The following KIAA2013 variants were observed in gnomAD, a reference collection of about 807,000 sequenced individuals.
The protein encoded by KIAA2013 is uncharacterized protein KIAA2013.
A neutral mutation model predicts 39.9 loss-of-function variants in KIAA2013; 20 were observed. That is an observed-to-expected ratio of 0.50 (90% CI 0.35 to 0.73). The LOEUF (loss-of-function observed/expected upper bound fraction) is 0.73, where lower values mean the gene tolerates loss of function less well. Ranked by LOEUF, KIAA2013 falls within the 30% of genes least tolerant of loss-of-function variation. The pLI is 0.01. For synonymous variants in KIAA2013, 336 were observed against 416.6 expected (o/e 0.81, Z 2.35); for missense variants, 587 against 856.1 (o/e 0.69, Z 3.92).
chr1:11,922,974 G>C lies in KIAA2013; in HGVS notation c.1549C>G (p.Pro517Ala), dbSNP rs766758193. The C allele has an allele frequency of 6.2e-6, 10 of 1,612,440 alleles. No individual in the cohort carries two copies. The South Asian group carries it at 1.1e-4, about 18-fold the overall frequency. Reference protein sequence around the residue: ...LHVSVESRGQPVKIYACKAGC... With the variant: ...LHVSVESRGQAVKIYACKAGC... ...GCCTTGCAGGCATAGATCTTGACAGGCTGGCCACGGGACTCCACGGACACG... is the reference window on the plus strand; with the variant it reads ...GCCTTGCAGGCATAGATCTTGACAGCCTGGCCACGGGACTCCACGGACACG... The change falls in exon 2 of 3, where the codon CCT (proline) becomes GCT (alanine). Residue 517 changes from proline to alanine, a missense_variant. Coordinates refer to ENST00000376572, the MANE Select transcript of KIAA2013 (RefSeq NM_138346.3).
At position 11,925,624 on chromosome 1, in the gene KIAA2013, C is replaced by T. The variant is rs973209308; in HGVS notation, c.614G>A (p.Arg205His). Residue 205 changes from arginine to histidine, a missense_variant, in exon 1 of 3, where the codon CGC becomes CAC. Coordinates refer to ENST00000376572, the MANE Select transcript of KIAA2013 (RefSeq NM_138346.3). The surrounding 1 kb of genome is among the most constrained non-coding windows in gnomAD (Gnocchi z 5.2). ...CTCCGTGGGGTTGTTGAGCTGGATG[C>T]GCTGCAGGTAGACGTGGGGTCGGCC... ...HRGRPHVYLQ[R>H]IQLNNPTERV... 8 of 1,609,326 alleles carry T rather than the reference C, an allele frequency of 5.0e-6. No individual in the cohort carries two copies. Among genetic ancestry groups the T allele is most frequent in the Non-Finnish European group, 6.8e-6 (8 of 1,179,236 alleles).
In KIAA2013 at chr1:11,923,907, C is replaced by A. The variant is rs866249628; in HGVS notation, c.1034-418G>T. Among the ~76,000 whole-genome samples, 1 of 152,198 alleles carries A rather than the reference C, an allele frequency of 6.6e-6. No homozygotes were observed. Among genetic ancestry groups the A allele is most frequent in the Non-Finnish European group, 1.5e-5 (1 of 68,032 alleles). On this transcript the variant is annotated intron_variant, in intron 1 of 2. Transcript: ENST00000376572. This position sits in a 1 kb window ranked among gnomAD's most constrained non-coding sequence, Gnocchi z 4.6. ...ATTTGTTTATTGAGACAGAGTCTCA[C>A]TGTGTTGCCCAGGCTTGAGTGCAGT...
rs1315301499 is a variant in KIAA2013, at chr1:11,919,703, A to G, written c.*612T>C. The G allele has an allele frequency of 1.3e-5, 2 of 152,592 alleles. No homozygotes were observed. The highest frequency in any genetic ancestry group is 4.8e-5 in the African/African-American group (2 of 41,476). 9.5% of individuals were successfully genotyped at this position (152,592 alleles called of 1,614,324 possible). On this transcript the variant is annotated 3_prime_UTR_variant, in exon 3 of 3. Transcript: ENST00000376572. ...AACACCTCCCCTGAAGCCCCAAAGT[A>G]CAAAACCACAGATGTCCACAGGCTC...
chr1:11,922,004 C>T (rs956766140), intron 2 of KIAA2013, among the ~76,000 whole-genome samples: 2 of 151,610 alleles, frequency 1.3e-5, no homozygotes, highest in African/African-American at 4.8e-5. Flanking sequence ...TGCACCATCA[C>T]GCCTGGCTGA....
chr1:11,920,202 C>T lies in KIAA2013; in HGVS notation c.*113G>A. 1 of 1,169,082 alleles carries T rather than the reference C, an allele frequency of 8.6e-7. No individual in the cohort carries two copies. Among genetic ancestry groups the T allele is most frequent in the Non-Finnish European group, 1.3e-6 (1 of 776,236 alleles). The allele number at this position is 1,169,082 out of a possible 1,614,324, so 72.4% of individuals were successfully genotyped here. A position where few individuals can be genotyped will look rare whatever the true frequency, so the allele number is the denominator to read the frequency against. On this transcript the variant is annotated 3_prime_UTR_variant, in exon 3 of 3. Transcript: ENST00000376572. Reference sequence around the variant, plus strand: ...TCACTTCTGCGTCACCGGTTTCCCCCAACAAGGCACAAAGGGCGGGTGCTT... The same window carrying T: ...TCACTTCTGCGTCACCGGTTTCCCCTAACAAGGCACAAAGGGCGGGTGCTT...
chr1:11,923,384 G>C lies in KIAA2013; in HGVS notation c.1139C>G (p.Pro380Arg), dbSNP rs1258865623. Residue 380 changes from proline to arginine, a missense_variant, in exon 2 of 3, where the codon CCC (proline) becomes CGC (arginine). By Grantham distance (103) the Pro-to-Arg change is moderately radical. Coordinates refer to ENST00000376572, the MANE Select transcript of KIAA2013 (RefSeq NM_138346.3). The surrounding 1 kb of genome is among the most constrained non-coding windows in gnomAD (Gnocchi z 4.6). Reference protein sequence around the residue: ...LSCSPAPLLSPSLSHRERDQM... With the variant: ...LSCSPAPLLSRSLSHRERDQM... ...GTCTCGCTCCCTGTGGCTCAGGGAG[G>C]GGCTGAGCAGTGGGGCTGGCGAGCA... The C allele has an allele frequency of 6.2e-7, 1 of 1,613,144 alleles. No homozygotes were observed.
chr1:11,921,569 A>T (rs888356566), intron 2 of KIAA2013, among the ~76,000 whole-genome samples: 1 of 151,304 alleles, frequency 6.6e-6, no homozygotes, highest in African/African-American at 2.4e-5. Context: ...TATTTTTTTG[A>T]GACAGAGTCT....
chr1:11,922,229 G>A (rs947688416), intron 2 of KIAA2013: 4 of 465,920 alleles, frequency 8.6e-6, no homozygotes, highest in African/African-American at 6.7e-5. Context: ...TTGCTCTGTT[G>A]CCCCAGCTAG....
rs1645494407 is a variant in KIAA2013 at position 11,924,612 on chromosome 1, T to G, written c.1033+593A>C. On this transcript the variant is annotated intron_variant, in intron 1 of 2. Transcript: ENST00000376572. Reference sequence around the variant, plus strand: ...CAACCAAACACAAAGGTTCAGACAATTGGAACCCTGGAAACCAAAACCCCT... The same window carrying G: ...CAACCAAACACAAAGGTTCAGACAAGTGGAACCCTGGAAACCAAAACCCCT... 4.6e-5 allele frequency among the ~76,000 whole-genome samples: 7 copies of G among 152,116 alleles called. No homozygotes were observed. In the South Asian group the frequency reaches 1.5e-3, roughly 32 times the overall value.
rs1645488360 is a variant in KIAA2013 at position 11,923,551 on chromosome 1, A to G, written c.1034-62T>C. 6.5e-6 allele frequency: 10 copies of G among 1,542,844 alleles called. No individual in the cohort carries two copies. Among genetic ancestry groups the G allele is most frequent in the African/African-American group, 1.4e-5 (1 of 73,670 alleles). On this transcript the variant is annotated intron_variant, in intron 1 of 2. Transcript: ENST00000376572. This position sits in a 1 kb window ranked among gnomAD's most constrained non-coding sequence, Gnocchi z 4.6. ...GACAGCTGGGAGGCAGAGCATACGA[A>G]ATAAAGACCAAGGGCAGCAGAAGAG... is the stretch of plus-strand genomic sequence containing the variant.
chr1:11,925,388 T>C lies in KIAA2013; in HGVS notation c.850A>G (p.Thr284Ala). 4 of 1,613,834 alleles carry C rather than the reference T, an allele frequency of 2.5e-6. No homozygotes were observed. The highest frequency in any genetic ancestry group is 3.4e-6 in the Non-Finnish European group (4 of 1,179,860). ...GAGACGTGCACCACCCACAGCACCG[T>C]CTCATCCAGCTGCGTCTTGGGAGCC... ...QVAPKTQLDE[T>A]VLWVVHVSGP... The change falls in exon 1 of 3, where the codon ACG (threonine) becomes GCG (alanine). Residue 284 changes from threonine to alanine, a missense_variant. Transcript: ENST00000376572. The surrounding 1 kb of genome is among the most constrained non-coding windows in gnomAD (Gnocchi z 5.2).
At position 11,919,968 on chromosome 1, in the gene KIAA2013, C is replaced by T; in HGVS notation, c.*347G>A. The T allele has an allele frequency of 2.8e-6, 1 of 358,882 alleles. No homozygotes were observed. The highest frequency in any genetic ancestry group is 5.1e-6 in the Non-Finnish European group (1 of 196,806). 22.2% of individuals were successfully genotyped at this position (358,882 alleles called of 1,614,324 possible). A position where few individuals can be genotyped will look rare whatever the true frequency, so the allele number is the denominator to read the frequency against. On this transcript the variant is annotated 3_prime_UTR_variant, in exon 3 of 3. Transcript: ENST00000376572. ...AGAACACGTTAAATTAGGAAAAGGA[C>T]ACAACTTTTCCTAGACAAGAGTCTT...
chr1:11,920,205 C>T lies in KIAA2013; in HGVS notation c.*110G>A, dbSNP rs762601657. 3.7e-5 allele frequency: 44 copies of T among 1,195,986 alleles called. No individual in the cohort carries two copies. Among genetic ancestry groups the T allele is most frequent in the African/African-American group, 3.0e-5 (2 of 66,780 alleles). 74.1% of individuals were successfully genotyped at this position (1,195,986 alleles called of 1,614,324 possible). On this transcript the variant is annotated 3_prime_UTR_variant, in exon 3 of 3. Coordinates refer to ENST00000376572, the MANE Select transcript of KIAA2013 (RefSeq NM_138346.3). ...CTTCTGCGTCACCGGTTTCCCCCAA[C>T]AAGGCACAAAGGGCGGGTGCTTCCA...
chr1:11,921,468 G>A (rs935291941), intron 2 of KIAA2013, among the ~76,000 whole-genome samples: 14 of 152,116 alleles, frequency 9.2e-5, no homozygotes, highest in African/African-American at 3.4e-4. Context: ...TGGGGATCCC[G>A]CCAGCAGTTC....
chr1:11,920,377 C>A, intron 2 of KIAA2013, 45 bp from the exon 3 acceptor site: 1 of 1,605,506 alleles, frequency 6.2e-7, no homozygotes, highest in South Asian at 1.1e-5. Context: ...CACTGCCAAC[C>A]CCAGTGGCCA....
Position 11,922,971 on chromosome 1 carries a change from C to G in KIAA2013, c.1552G>C (p.Val518Leu), listed in dbSNP as rs150730755. 1.2e-6 allele frequency: 2 copies of G among 1,612,290 alleles called. No individual in the cohort carries two copies. The highest frequency in any genetic ancestry group is 2.7e-5 in the African/African-American group (2 of 75,034). The stretch of plus-strand genomic sequence containing the variant: ...CCTGCCTTGCAGGCATAGATCTTGA[C>G]AGGCTGGCCACGGGACTCCACGGAC... ...HVSVESRGQP[V>L]KIYACKAGCL... The change falls in exon 2 of 3, where the codon GTC (valine) becomes CTC (leucine). Residue 518 changes from valine (V) to leucine (L), a missense_variant. By Grantham distance (32) the Val-to-Leu change is conservative. Coordinates refer to ENST00000376572, the MANE Select transcript of KIAA2013 (RefSeq NM_138346.3).
rs1307414191 is a variant in KIAA2013, at chr1:11,923,043, T to C, written c.1480A>G (p.Asn494Asp). ...HGIRYKNDHI[N>D]LAVLADAEGK... ...TCGGCATCCGCCAGCACGGCCAGGT[T>C]GATATGGTCGTTCTTGTAGCGGATG... Residue 494 changes from asparagine to aspartate, a missense_variant, in exon 2 of 3, where the codon AAC becomes GAC. Physicochemically the swap from Asn to Asp is conservative, Grantham distance 23. Coordinates refer to ENST00000376572, the MANE Select transcript of KIAA2013 (RefSeq NM_138346.3). The surrounding 1 kb of genome is among the most constrained non-coding windows in gnomAD (Gnocchi z 4.6). 3.7e-6 allele frequency: 6 copies of C among 1,611,374 alleles called. No individual in the cohort carries two copies. The highest frequency in any genetic ancestry group is 5.1e-6 in the Non-Finnish European group (6 of 1,177,742).
rs1381363892 is a variant in KIAA2013, at chr1:11,925,535, T to C, written c.703A>G (p.Thr235Ala). 2 of 1,602,694 alleles carry C rather than the reference T, an allele frequency of 1.2e-6. No individual in the cohort carries two copies. The highest frequency in any genetic ancestry group is 4.5e-5 in the East Asian group (2 of 44,660). Reference protein sequence around the residue: ...AGPAPKAFTSTLEKVGDHQFL... With the variant: ...AGPAPKAFTSALEKVGDHQFL... ...TGATGGTCTCCGACCTTCTCCAGGG[T>C]ACTGGTGAAGGCCTTGGGGGCTGGG... The change falls in exon 1 of 3, where the codon ACC becomes GCC. Residue 235 changes from threonine to alanine, a missense_variant. Transcript: ENST00000376572. The surrounding 1 kb of genome is among the most constrained non-coding windows in gnomAD (Gnocchi z 5.2).
At chr1:11,922,505 A>G (rs78275505) in intron 2 of KIAA2013, 131 bp downstream of exon 2, 1 of 1,537,650 alleles carries the variant, frequency 6.5e-7, no homozygotes, top group African/African-American at 1.4e-5. Context: ...CTCTGGTGTC[A>G]AGGGCTGAGG....
Sources: gnomAD v4.1 joint callset for allele counts (sites outside exome capture counted in the v4.1 genomes callset) on GRCh38, gnomAD v4.1.1 for gene constraint, Gnocchi (gnomAD v3.1) non-coding constraint, MANE v1.5 for transcripts, NCBI Gene and HGNC (gene_info 2026-07-23, HGNC 2026-07-21) for gene names.